Variants in PAX7 observed in about 807,000 individuals in gnomAD.
PAX7 encodes paired box 7.
In PAX7, 18 loss-of-function variants were observed where a neutral mutation model predicts 50.7. That is an observed-to-expected ratio of 0.36 (90% CI 0.25 to 0.53). PAX7 has a LOEUF of 0.53. Ranked by LOEUF, PAX7 falls within the 20% of genes least tolerant of loss-of-function variation. The pLI, the probability that PAX7 is intolerant of heterozygous loss-of-function variation, is 0.93. For synonymous variants in PAX7, 310 were observed against 290.4 expected, an observed-to-expected ratio of 1.07 and a Z score of -0.69; for missense variants, 644 against 702.9, an observed-to-expected ratio of 0.92 and a Z score of 0.95.
At chr1:18,704,425 A>C (rs2089259201) in intron 7 of PAX7, among the ~76,000 whole-genome samples, 1 of 152,186 alleles carries the variant, frequency 6.6e-6, no homozygotes, top group African/African-American at 2.4e-5. Flanking sequence ...GTTCGAGACC[A>C]GCCTGGCCAG....
intron 7 of PAX7, among the ~76,000 whole-genome samples, chr1:18,703,966 G>A (rs377714086): frequency 1.3e-5 from 2 of 152,290 alleles, no homozygotes; most frequent in Non-Finnish European, 2.9e-5. Flanking sequence ...GCATCTGTGA[G>A]CCTCAGTTTA....
intron 4 of PAX7, among the ~76,000 whole-genome samples, chr1:18,669,117 G>T (rs1470584642): frequency 2.0e-5 from 3 of 152,226 alleles, no homozygotes; most frequent in African/African-American, 4.8e-5. Context: ...AGGGACAGGG[G>T]TCTCTCCTTT....
chr1:18,634,272 T>TCTC lies in PAX7; in HGVS notation c.86-28_86-26dup. On this transcript the variant is annotated intron_variant, in intron 1 of 8. Coordinates refer to ENST00000420770, the MANE Select transcript of PAX7 (RefSeq NM_001135254.2). This position sits in a 1 kb window ranked among gnomAD's most constrained non-coding sequence, Gnocchi z 4.0. The stretch of plus-strand genomic sequence containing the variant: ...GCTCTCCATCCTCACCCTGCACCTC[T>TCTC]CTCCTTCTGCATCTCCCCTCCCTTC... The TCTC allele has an allele frequency of 6.4e-6, 10 of 1,572,300 alleles. No homozygotes were observed. The highest frequency in any genetic ancestry group is 8.7e-6 in the Non-Finnish European group (10 of 1,146,356).
chr1:18,703,537 T>A (rs1570197090), intron 7 of PAX7, among the ~76,000 whole-genome samples: 1 of 152,188 alleles, frequency 6.6e-6, no homozygotes, highest in South Asian at 2.1e-4. Flanking sequence ...GTGGATGGGG[T>A]TCTGGGCCGG....
At chr1:18,696,529 C>T (rs780341074) in intron 5 of PAX7, among the ~76,000 whole-genome samples, 7 of 152,150 alleles carry the variant, frequency 4.6e-5, no homozygotes, top group Non-Finnish European at 1.0e-4. Context: ...TCCTAAAGCA[C>T]AGCTATACAT....
intron 4 of PAX7, among the ~76,000 whole-genome samples, chr1:18,640,942 G>A (rs890330700): frequency 3.3e-5 from 5 of 152,096 alleles, no homozygotes; most frequent in Non-Finnish European, 5.9e-5. Flanking sequence ...GAGGGGCCGA[G>A]CCCACACTGG....
intron 4 of PAX7, among the ~76,000 whole-genome samples, chr1:18,667,450 G>GGAGC (rs1553136598): frequency 8.2e-5 from 12 of 147,112 alleles, no homozygotes; most frequent in African/African-American, 2.3e-4. Flanking sequence ...AAGGAAGGAA[G>GGAGC]GAGCTTTGGT....
At chr1:18,652,235 C>T (rs1296196893) in intron 4 of PAX7, among the ~76,000 whole-genome samples, 3 of 152,074 alleles carry the variant, frequency 2.0e-5, no homozygotes, top group Non-Finnish European at 4.4e-5. Context: ...CTCAACTGGC[C>T]CCCTTCTCTT....
intron 4 of PAX7, among the ~76,000 whole-genome samples, chr1:18,666,426 G>T (rs756844056): frequency 2.6e-5 from 4 of 152,188 alleles, no homozygotes; most frequent in Non-Finnish European, 4.4e-5. Context: ...AGGGAAGGAG[G>T]TGGCATAGTC....
At position 18,631,663 on chromosome 1, in the gene PAX7, C is replaced by T. The variant is rs1020589052; in HGVS notation, c.60C>T (p.Tyr20=). The T allele has an allele frequency of 1.2e-6, 2 of 1,612,912 alleles. No homozygotes were observed. Among genetic ancestry groups the T allele is most frequent in the Non-Finnish European group, 1.7e-6 (2 of 1,179,798 alleles). The stretch of plus-strand genomic sequence containing the variant: ...TGCGGCCGGCTCCGGGGCAGAACTA[C>T]CCCCGCACGGGATTCCCTTTGGAAG... ...RMMRPAPGQN[Y]PRTGFPLEVS... Residue 20 remains tyrosine (Y), a synonymous_variant, in exon 1 of 9, where the codon TAC becomes TAT. Transcript: ENST00000420770.
At chr1:18,659,835 C>T (rs1029295152) in intron 4 of PAX7, among the ~76,000 whole-genome samples, 4 of 152,180 alleles carry the variant, frequency 2.6e-5, no homozygotes, top group African/African-American at 9.6e-5. Flanking sequence ...AAGGATCAAT[C>T]CCGTAGGTCC....
Position 18,630,997 on chromosome 1 carries a change from C to T in PAX7, c.-607C>T. ...GTCTGTCCCCGGGTCTCCTAGGGGACGGGGCTGTGAAAGCTGGTGTGGAGG... is the reference window on the plus strand; with the variant it reads ...GTCTGTCCCCGGGTCTCCTAGGGGATGGGGCTGTGAAAGCTGGTGTGGAGG... On this transcript the variant is annotated 5_prime_UTR_variant, in exon 1 of 9. It adds an upstream start codon to the 5' untranslated region. Coordinates refer to ENST00000420770, the MANE Select transcript of PAX7 (RefSeq NM_001135254.2). 1 of 221,646 alleles carries T rather than the reference C, an allele frequency of 4.5e-6. No individual in the cohort carries two copies. The highest frequency in any genetic ancestry group is 9.0e-6 in the Non-Finnish European group (1 of 110,614). 13.7% of individuals were successfully genotyped at this position (221,646 alleles called of 1,614,324 possible).
intron 7 of PAX7, among the ~76,000 whole-genome samples, chr1:18,719,090 T>C (rs145876269): frequency 2.0e-5 from 3 of 152,358 alleles, no homozygotes; most frequent in African/African-American, 7.2e-5. Context: ...ACAATGCTCC[T>C]GCACACTTTC....
intron 4 of PAX7, among the ~76,000 whole-genome samples, chr1:18,686,778 G>A (rs184990142): frequency 3.3e-5 from 5 of 152,088 alleles, no homozygotes; most frequent in South Asian, 2.1e-4. Flanking sequence ...TCCCCGCCCC[G>A]TTTCCTTTTC....
chr1:18,736,854 G>A (rs929693183), intron 8 of PAX7, among the ~76,000 whole-genome samples: 3 of 152,226 alleles, frequency 2.0e-5, no homozygotes, highest in Non-Finnish European at 4.4e-5. Context: ...CTGTTTCCCA[G>A]TCGCACTAGC....
chr1:18,732,175 T>C (rs1313502067), intron 7 of PAX7, among the ~76,000 whole-genome samples: 5 of 152,306 alleles, frequency 3.3e-5, no homozygotes, highest in Non-Finnish European at 2.9e-5. Flanking sequence ...CCCTTATTTT[T>C]CCTCCGTAGC....
chr1:18,640,546 C>T (rs1197332923), intron 4 of PAX7, among the ~76,000 whole-genome samples: 1 of 151,936 alleles, frequency 6.6e-6, no homozygotes, highest in Non-Finnish European at 1.5e-5. Context: ...CCATTTATCA[C>T]GAAACAATCT....
At chr1:18,676,120 C>T (rs1479678359) in intron 4 of PAX7, among the ~76,000 whole-genome samples, 1 of 152,234 alleles carries the variant, frequency 6.6e-6, no homozygotes, top group Non-Finnish European at 1.5e-5. Flanking sequence ...CAAAAATCAC[C>T]ATTAGAGTAC....
At chr1:18,704,089 GC>G (rs1192245879) in intron 7 of PAX7, among the ~76,000 whole-genome samples, 2 of 152,280 alleles carry the variant, frequency 1.3e-5, no homozygotes, top group Admixed American at 6.5e-5. Context: ...CGAAATCAGT[GC>G]CAAGTAAATA....
Sources: allele counts gnomAD v4.1 joint callset (sites outside exome capture counted in the v4.1 genomes callset), GRCh38; gene constraint gnomAD v4.1.1; non-coding constraint Gnocchi (gnomAD v3.1); transcripts MANE v1.5; gene names NCBI Gene and HGNC (gene_info 2026-07-23, HGNC 2026-07-21).